PSD3: variants seen among roughly 807,000 people sequenced by gnomAD.
PSD3 encodes the protein PH and SEC7 domain-containing protein 3.
In PSD3, 49 loss-of-function variants were observed where a neutral mutation model predicts 105.5. The observed-to-expected ratio is 0.46, with a 90% CI of 0.37 to 0.59. The LOEUF (loss-of-function observed/expected upper bound fraction) is 0.59, where lower values mean the gene tolerates loss of function less well. Among genes scored for constraint, PSD3 ranks in the 20% least tolerant of loss-of-function variants. The pLI is 0.00. For synonymous variants in PSD3, 557 were observed against 457.8 expected (o/e 1.22, Z -2.77); for missense variants, 1,561 against 1,263.8 (o/e 1.24, Z -3.57).
intron 8 of PSD3, among the ~76,000 whole-genome samples, chr8:18,791,291 G>C (rs1046666133): frequency 3.3e-5 from 5 of 151,826 alleles, no homozygotes; most frequent in Non-Finnish European, 7.4e-5. Context: ...GGCAAAAAGA[G>C]GCAAGCTGGA....
At chr8:18,539,799 G>T (rs1356148385) in intron 15 of PSD3, among the ~76,000 whole-genome samples, 2 of 151,970 alleles carry the variant, frequency 1.3e-5, no homozygotes, top group Non-Finnish European at 2.9e-5. Flanking sequence ...GCCTGCCTCG[G>T]CCTCTCAAAC....
chr8:19,041,402 G>T (rs1429611256), intron 1 of PSD3, among the ~76,000 whole-genome samples: 1 of 152,156 alleles, frequency 6.6e-6, no homozygotes, highest in Non-Finnish European at 1.5e-5. Flanking sequence ...AATTCCTTGG[G>T]CCTTAGACTC....
intron 8 of PSD3, among the ~76,000 whole-genome samples, chr8:18,771,326 T>A (rs1384562730): frequency 6.6e-6 from 1 of 152,232 alleles, no homozygotes; most frequent in South Asian, 2.1e-4. Flanking sequence ...CCCTGCCTCT[T>A]GTCCCTATCA....
intron 4 of PSD3, among the ~76,000 whole-genome samples, chr8:18,810,233 C>T (rs1205094225): frequency 6.6e-6 from 1 of 152,124 alleles, no homozygotes; most frequent in Non-Finnish European, 1.5e-5. Flanking sequence ...GGTTTGAATC[C>T]TCAACACAAG....
chr8:18,867,222 T>C (rs1046176684), intron 4 of PSD3, among the ~76,000 whole-genome samples: 2 of 152,194 alleles, frequency 1.3e-5, no homozygotes, highest in Non-Finnish European at 2.9e-5. Flanking sequence ...AGCAAAGGGC[T>C]GGAAGAGACT....
At chr8:18,755,223 G>A (rs1805915431) in intron 9 of PSD3, among the ~76,000 whole-genome samples, 1 of 152,134 alleles carries the variant, frequency 6.6e-6, no homozygotes, top group East Asian at 1.9e-4. Flanking sequence ...GAGGCTAGGA[G>A]TTCGAGACCA....
rs553083122 is a variant in PSD3, at chr8:18,954,372, A to C, written c.22-18230T>G. 7.8e-5 allele frequency among the ~76,000 whole-genome samples: 10 copies of C among 128,480 alleles called. 1 individual carries two copies. The Admixed American group carries it at 8.5e-4, about 11-fold the overall frequency. 84.3% of individuals were successfully genotyped at this position (128,480 alleles called of 152,430 possible). ...TGAATTAATTATGTAACTAAAATTT[A>C]ATTTTTATAAGAAAAAAAAAGAGTA... On this transcript the variant is annotated intron_variant, in intron 1 of 15. Transcript: ENST00000327040.
intron 9 of PSD3, among the ~76,000 whole-genome samples, chr8:18,745,077 A>G (rs1462639838): frequency 1.3e-5 from 2 of 152,206 alleles, no homozygotes; most frequent in East Asian, 1.9e-4. Context: ...TGATGTTGAG[A>G]TGCCTTGCCA....
chr8:18,744,069 A>G (rs1804796243), intron 9 of PSD3, among the ~76,000 whole-genome samples: 1 of 151,658 alleles, frequency 6.6e-6, no homozygotes, highest in Non-Finnish European at 1.5e-5. Context: ...AGATTCTCAC[A>G]TATGAATTTT....
rs1307996838 is a variant in PSD3, at chr8:18,950,986, A to G, written c.22-14844T>C. Among the ~76,000 whole-genome samples, 10 of 152,182 alleles carry G rather than the reference A, an allele frequency of 6.6e-5. 1 individual carries two copies. Among genetic ancestry groups the G allele is most frequent in the Admixed American group, 6.5e-4 (10 of 15,270 alleles). On this transcript the variant is annotated intron_variant, in intron 1 of 15. Transcript: ENST00000327040. ...ACTGCTGATTGCTAGATTGAATCAG[A>G]TTCTTAGGAATGGAGCTGCAGAACC...
chr8:19,059,853 T>A (rs185032791), intron 1 of PSD3, among the ~76,000 whole-genome samples: 11 of 152,322 alleles, frequency 7.2e-5, no homozygotes, highest in Non-Finnish European at 1.3e-4. Context: ...CAGCCTCCTC[T>A]CCAGGGCACC....
chr8:18,957,596 C>T (rs138835091), intron 1 of PSD3, among the ~76,000 whole-genome samples: 1 of 152,274 alleles, frequency 6.6e-6, no homozygotes, highest in East Asian at 1.9e-4. Context: ...TCACCTATTC[C>T]ATTACAGCCT....
In PSD3 at chr8:18,572,422, C is replaced by G. The variant is rs939421196; in HGVS notation, c.2784+106G>C. On this transcript the variant is annotated intron_variant, in intron 14 of 15. Transcript: ENST00000327040. ...ATGATACGCTCTCACAGGGCAAGGT[C>G]TCACACCTGCCCCCAAAACATGGAC... 60 of 1,397,844 alleles carry G rather than the reference C, an allele frequency of 4.3e-5. No homozygotes were observed. The African/African-American group carries it at 7.7e-4, about 18-fold the overall frequency. The allele number at this position is 1,397,844 out of a possible 1,614,324, so 86.6% of individuals were successfully genotyped here.
chr8:18,566,194 C>T (rs988030563), intron 14 of PSD3, among the ~76,000 whole-genome samples: 3 of 152,044 alleles, frequency 2.0e-5, no homozygotes, highest in Non-Finnish European at 4.4e-5. Flanking sequence ...AGAAACAAAC[C>T]TTATGACTCG....
chr8:18,922,243 G>A lies in PSD3; in HGVS notation c.130+13791C>T, dbSNP rs75261571. On this transcript the variant is annotated intron_variant, in intron 2 of 15. Transcript: ENST00000327040. Reference sequence around the variant, plus strand: ...AAGGACCTAAAGTTTACTCTAACACGTCCTAACGGAACCCAAAGAGTTCTG... The same window carrying A: ...AAGGACCTAAAGTTTACTCTAACACATCCTAACGGAACCCAAAGAGTTCTG... 2.9e-3 allele frequency among the ~76,000 whole-genome samples: 439 copies of A among 152,248 alleles called. 2 individuals are homozygous for A. The highest frequency in any genetic ancestry group is 9.7e-3 in the African/African-American group (404 of 41,546).
intron 9 of PSD3, among the ~76,000 whole-genome samples, chr8:18,698,306 A>G (rs1419875368): frequency 6.6e-6 from 1 of 152,066 alleles, no homozygotes; most frequent in Non-Finnish European, 1.5e-5. Flanking sequence ...TTTTGTAGAG[A>G]TGAGGTCTCA....
At chr8:19,059,599 C>G (rs1054051172) in intron 1 of PSD3, among the ~76,000 whole-genome samples, 1 of 152,126 alleles carries the variant, frequency 6.6e-6, no homozygotes, top group African/African-American at 2.4e-5. Flanking sequence ...TGTGCCTAGA[C>G]AGGGAGATTA....
chr8:19,051,774 C>T (rs578159426), intron 1 of PSD3, among the ~76,000 whole-genome samples: 1 of 152,294 alleles, frequency 6.6e-6, no homozygotes, highest in South Asian at 2.1e-4. Flanking sequence ...ATTGTATCCA[C>T]CGTACCTAGC....
chr8:18,874,727 T>C (rs573322278), intron 2 of PSD3, among the ~76,000 whole-genome samples: 202 of 144,384 alleles, frequency 1.4e-3, no homozygotes, highest in Non-Finnish European at 2.7e-3. Context: ...AAAAAAAAAT[T>C]TGATTTCCAA....
Sources: allele counts gnomAD v4.1 joint callset (sites outside exome capture counted in the v4.1 genomes callset), GRCh38; gene constraint gnomAD v4.1.1; transcripts MANE v1.5; gene names NCBI Gene and HGNC (gene_info 2026-07-23, HGNC 2026-07-21).